Variants in COQ10B observed in about 807,000 individuals in gnomAD.
The protein encoded by COQ10B is coenzyme Q-binding protein COQ10 homolog B, mitochondrial.
COQ10B carries 12 observed loss-of-function variants against 27.6 expected under a neutral mutation model. The observed-to-expected ratio is 0.43, with a 90% CI of 0.28 to 0.70. The LOEUF is 0.70. Among genes scored for constraint, COQ10B ranks in the 30% least tolerant of loss-of-function variants. COQ10B has a pLI of 0.17. For missense variants in COQ10B, 278 were observed against 288.7 expected, an observed-to-expected ratio of 0.96 and a Z score of 0.27; for synonymous variants, 115 against 103.0, an observed-to-expected ratio of 1.12 and a Z score of -0.71.
chr2:197,463,934 C>CAAA (rs544425623), intron 3 of COQ10B, among the ~76,000 whole-genome samples: 1 of 13,896 alleles, frequency 7.2e-5, no homozygotes, highest in Admixed American at 1.4e-3. Flanking sequence ...AACTCTGTCT[C>CAAA]AAAAAAAAAA....
At chr2:197,470,991 A>G (rs528987092) in intron 4 of COQ10B, among the ~76,000 whole-genome samples, 56 of 152,190 alleles carry the variant, frequency 3.7e-4, no homozygotes, top group Non-Finnish European at 5.0e-4. Flanking sequence ...ACTTGAGTCC[A>G]AGGGTTCGAG....
At chr2:197,453,835 G>A (rs1406306608) in intron 1 of COQ10B, 171 bp downstream of exon 1, 2 of 1,066,388 alleles carry the variant, frequency 1.9e-6, no homozygotes, top group African/African-American at 1.6e-5. Context: ...AGAGCGGCGC[G>A]CATCACCTTG....
intron 2 of COQ10B, among the ~76,000 whole-genome samples, chr2:197,461,498 CATT>C (rs984545894): frequency 2.6e-5 from 4 of 151,760 alleles, no homozygotes; most frequent in African/African-American, 9.7e-5. Flanking sequence ...GGATAGACAT[CATT>C]GTCACAGGTG....
At chr2:197,465,790 A>AAAAC (rs758003597) in intron 3 of COQ10B, among the ~76,000 whole-genome samples, 1 of 152,104 alleles carries the variant, frequency 6.6e-6, no homozygotes, top group Non-Finnish European at 1.5e-5. Flanking sequence ...CCATCTCTAA[A>AAAAC]AAACAAACAA....
intron 2 of COQ10B, among the ~76,000 whole-genome samples, chr2:197,460,549 A>T (rs948056126): frequency 1.1e-4 from 16 of 152,194 alleles, no homozygotes; most frequent in African/African-American, 3.6e-4. Flanking sequence ...GTAACTCTTT[A>T]GTATAGACTT....
Position 197,473,864 on chromosome 2 carries a change from G to C in COQ10B, c.657G>C (p.Leu219=). 2 of 1,601,948 alleles carry C rather than the reference G, an allele frequency of 1.2e-6. No homozygotes were observed. Among genetic ancestry groups the C allele is most frequent in the Non-Finnish European group, 1.7e-6 (2 of 1,172,372 alleles). The stretch of plus-strand genomic sequence containing the variant: ...CCTTTGAAAGAAGAGCATGTAAGCT[G>C]TATGGTCCAGAAACAAATATACCTC... ...VAAFERRACK[L]YGPETNIPRE... is the part of the protein sequence containing the mutation. The change falls in exon 5 of 5, where the codon CTG becomes CTC. Residue 219 remains leucine (L), a synonymous_variant. Transcript: ENST00000263960.
intron 1 of COQ10B, among the ~76,000 whole-genome samples, chr2:197,455,003 T>C (rs1416029325): frequency 6.6e-6 from 1 of 152,122 alleles, no homozygotes; most frequent in African/African-American, 2.4e-5. Flanking sequence ...TGCATGAAAA[T>C]AGATGTGCTG....
intron 1 of COQ10B, among the ~76,000 whole-genome samples, chr2:197,459,065 A>G (rs1177953544): frequency 6.6e-6 from 1 of 152,212 alleles, no homozygotes; most frequent in Non-Finnish European, 1.5e-5. Context: ...AAGTACCTCA[A>G]ACAATAAGTT....
chr2:197,467,112 A>G, intron 3 of COQ10B, among the ~76,000 whole-genome samples: 1 of 151,268 alleles, frequency 6.6e-6, no homozygotes, highest in Admixed American at 6.6e-5. Context: ...ACACTGAGCT[A>G]ATTTTTGTAT....
At chr2:197,455,926 T>TGGGTATAGTCATCATA (rs2085693534) in intron 1 of COQ10B, among the ~76,000 whole-genome samples, 2 of 151,808 alleles carry the variant, frequency 1.3e-5, no homozygotes, top group African/African-American at 4.8e-5. Context: ...ACCACTGCAC[T>TGGGTATAGTCATCATA]CCAGCGTGGG....
chr2:197,458,028 C>CT (rs2085717956), intron 1 of COQ10B, among the ~76,000 whole-genome samples: 1 of 151,950 alleles, frequency 6.6e-6, no homozygotes, highest in Non-Finnish European at 1.5e-5. Flanking sequence ...ATAAACAGCT[C>CT]TAAAGTTCTT....
chr2:197,464,038 CACAT>C (rs1250824797), intron 3 of COQ10B, among the ~76,000 whole-genome samples: 5 of 112,894 alleles, frequency 4.4e-5, no homozygotes, highest in African/African-American at 1.2e-4. Flanking sequence ...TACATACACA[CACAT>C]ATATATATAC....
At chr2:197,454,189 T>C in intron 1 of COQ10B, 2 of 1,473,612 alleles carry the variant, frequency 1.4e-6, no homozygotes, top group South Asian at 1.3e-5. Flanking sequence ...ATTTTTTCAC[T>C]CTGCTGTAAC....
chr2:197,454,246 G>A, intron 1 of COQ10B: 1 of 1,094,332 alleles, frequency 9.1e-7, no homozygotes, highest in South Asian at 1.7e-5. Flanking sequence ...CGATTTTCCT[G>A]GTTGGTTCAT....
intron 4 of COQ10B, among the ~76,000 whole-genome samples, chr2:197,472,633 G>A (rs993146245): frequency 7.9e-5 from 12 of 151,950 alleles, no homozygotes; most frequent in Admixed American, 1.3e-4. Flanking sequence ...GTGAAACCCC[G>A]TCTCTACTGA....
chr2:197,472,013 CTAG>C (rs1177778389), intron 4 of COQ10B, among the ~76,000 whole-genome samples: 6 of 150,500 alleles, frequency 4.0e-5, no homozygotes, highest in South Asian at 2.1e-4. Flanking sequence ...GCATTATTAT[CTAG>C]TAGTAGTAAC....
In COQ10B at chr2:197,473,842, T is replaced by C; in HGVS notation, c.635T>C (p.Phe212Ser). Residue 212 changes from phenylalanine to serine, a missense_variant, in exon 5 of 5, where the codon TTT becomes TCT. Around this residue, in one of 3 missense-constraint regions of COQ10B, gnomAD observed 83 missense variants for 104.5 expected, o/e 0.79. Coordinates refer to ENST00000263960, the MANE Select transcript of COQ10B (RefSeq NM_025147.5). ...DEVVKQMVAAFERRACKLYGP... is the reference protein window; with the variant it reads ...DEVVKQMVAASERRACKLYGP... ...GTTGTGAAGCAGATGGTAGCTGCCT[T>C]TGAAAGAAGAGCATGTAAGCTGTAT... The C allele has an allele frequency of 1.2e-6, 2 of 1,605,920 alleles. No individual in the cohort carries two copies. Among genetic ancestry groups the C allele is most frequent in the Non-Finnish European group, 1.7e-6 (2 of 1,174,528 alleles).
intron 4 of COQ10B, among the ~76,000 whole-genome samples, chr2:197,472,795 C>T (rs1268976103): frequency 1.8e-4 from 14 of 77,656 alleles, no homozygotes; most frequent in Admixed American, 1.2e-3. Flanking sequence ...AGCAAGGCTC[C>T]ATCTCAAAAA....
intron 4 of COQ10B, among the ~76,000 whole-genome samples, chr2:197,472,238 C>T (rs1454337859): frequency 6.6e-6 from 1 of 151,708 alleles, no homozygotes; most frequent in Non-Finnish European, 1.5e-5. Context: ...AACCAGTTGT[C>T]TTGAATTCTA....
Sources: allele counts gnomAD v4.1 joint callset (sites outside exome capture counted in the v4.1 genomes callset), GRCh38; gene constraint gnomAD v4.1.1; regional missense constraint gnomAD v4.1.1; transcripts MANE v1.5; gene names NCBI Gene and HGNC (gene_info 2026-07-23, HGNC 2026-07-21).